The following FOXO3B variants were observed in gnomAD, a reference collection of about 807,000 sequenced individuals.
FOXO3B encodes the protein forkhead box protein O3B.
A neutral mutation model predicts 21.9 loss-of-function variants in FOXO3B; 15 were observed. That is an observed-to-expected ratio of 0.68 (90% confidence interval 0.46 to 1.05). FOXO3B has a LOEUF of 1.05. FOXO3B is among the 50% of genes least tolerant of loss of function. FOXO3B has a pLI of 0.00. For missense variants in FOXO3B, 293 were observed against 435.5 expected (o/e 0.67, Z 2.91); for synonymous variants, 135 against 213.6 (o/e 0.63, Z 3.21).
Position 18,670,857 on chromosome 17 carries a change from T to A in FOXO3B, c.*1452A>T. ...AAGGGTTTTCTCTGTAGGTCTTGTG[T>A]CAGTTTGAGGGTCTGCTTTGCCCAC... is the stretch of plus-strand genomic sequence containing the variant. On this transcript the variant is annotated 3_prime_UTR_variant, in exon 4 of 4. Coordinates refer to ENST00000395675, the MANE Select transcript of FOXO3B (RefSeq NM_001368135.1). The A allele has an allele frequency of 6.3e-7, 1 of 1,579,844 alleles. No homozygotes were observed. Among genetic ancestry groups the A allele is most frequent in the Admixed American group, 1.7e-5 (1 of 57,506 alleles).
chr17:18,672,996 G>C lies in FOXO3B; in HGVS notation c.186C>G (p.Pro62=), dbSNP rs2032408661. The C allele has an allele frequency of 1.4e-6, 2 of 1,473,658 alleles. No individual in the cohort carries two copies. The highest frequency in any genetic ancestry group is 1.5e-5 in the African/African-American group (1 of 67,020). The allele number at this position is 1,473,658 out of a possible 1,614,324, so 91.3% of individuals were successfully genotyped here. A position where few individuals can be genotyped will look rare whatever the true frequency, so the allele number is the denominator to read the frequency against. The change falls in exon 4 of 4, where the codon CCC becomes CCG. Residue 62 remains proline, a synonymous_variant. Transcript: ENST00000395675. This position sits in a 1 kb window ranked among gnomAD's most constrained non-coding sequence, Gnocchi z 4.2. ...CTCGCGCCGGGGCGGGGTGCAGCGG[G>C]GGAGGGACGTGGACGCCGCGAAGGC... ...SRSLRGVHVP[P]PLHPAPAREE...
chr17:18,679,021 G>A (rs1353653761), intron 3 of FOXO3B, among the ~76,000 whole-genome samples: 1 of 151,444 alleles, frequency 6.6e-6, no homozygotes, highest in Non-Finnish European at 1.5e-5. Flanking sequence ...GAAGATGTAA[G>A]CCTAAACTCG....
chr17:18,675,509 C>T (rs113697301), intron 3 of FOXO3B, among the ~76,000 whole-genome samples: 13,546 of 151,540 alleles, frequency 0.089, 798 homozygotes, highest in African/African-American at 0.16. Flanking sequence ...CAGGGAAAGA[C>T]TTTTAAACTG....
chr17:18,674,649 G>GA (rs1597495986), intron 3 of FOXO3B, among the ~76,000 whole-genome samples: 1 of 144,522 alleles, frequency 6.9e-6, no homozygotes, highest in Admixed American at 6.8e-5. Flanking sequence ...AGGGGGGGGG[G>GA]AGATTACAGA....
intron 3 of FOXO3B, among the ~76,000 whole-genome samples, chr17:18,676,821 C>T (rs561299121): frequency 0.014 from 2,138 of 152,126 alleles, 39 homozygotes; most frequent in African/African-American, 0.048. Flanking sequence ...CTGCCTCAGC[C>T]TCCCAAGTAG....
At position 18,672,774 on chromosome 17, in the gene FOXO3B, C is replaced by T. The variant is rs2032398011; in HGVS notation, c.408G>A (p.Thr136=). The T allele has an allele frequency of 6.4e-7, 1 of 1,553,784 alleles. No homozygotes were observed. The highest frequency in any genetic ancestry group is 8.7e-7 in the Non-Finnish European group (1 of 1,150,968). Residue 136 remains threonine (T), a synonymous_variant, in exon 4 of 4, where the codon ACG becomes ACA. Coordinates refer to ENST00000395675, the MANE Select transcript of FOXO3B (RefSeq NM_001368135.1). This position sits in a 1 kb window ranked among gnomAD's most constrained non-coding sequence, Gnocchi z 4.2. ...CCTCGGGGATCATGGAGTCGGCGGC[C>T]GTCTCCCCCGAGGGCTTGGCAGGGC... ...QASPAKPSGE[T]AADSMIPEEE...
intron 3 of FOXO3B, among the ~76,000 whole-genome samples, chr17:18,673,779 A>G (rs567612520): frequency 6.6e-6 from 1 of 152,070 alleles, no homozygotes; most frequent in African/African-American, 2.4e-5. Flanking sequence ...TACAATGTTG[A>G]GAATGAAGTA....
intron 3 of FOXO3B, chr17:18,677,567 C>T: frequency 5.6e-6 from 9 of 1,601,784 alleles, no homozygotes; most frequent in Middle Eastern, 2.0e-4. Context: ...GGGGCGCCGG[C>T]GGGCCCAGCG....
At chr17:18,677,685 C>T in intron 3 of FOXO3B, 4 of 1,604,706 alleles carry the variant, frequency 2.5e-6, no homozygotes. Flanking sequence ...GGCCAAGAAG[C>T]ATGCTGGCGA....
intron 3 of FOXO3B, among the ~76,000 whole-genome samples, chr17:18,674,643 G>A (rs9911174): frequency 7.0e-6 from 1 of 142,722 alleles, no homozygotes. Context: ...AAAAAAAGGG[G>A]GGGGGGAGAT....
In FOXO3B at chr17:18,672,190, G is replaced by A. The variant is rs1450704838; in HGVS notation, c.*119C>T. The A allele has an allele frequency of 6.2e-7, 1 of 1,613,028 alleles. No individual in the cohort carries two copies. Among genetic ancestry groups the A allele is most frequent in the Non-Finnish European group, 8.5e-7 (1 of 1,179,334 alleles). On this transcript the variant is annotated 3_prime_UTR_variant, in exon 4 of 4. Coordinates refer to ENST00000395675, the MANE Select transcript of FOXO3B (RefSeq NM_001368135.1). This position sits in a 1 kb window ranked among gnomAD's most constrained non-coding sequence, Gnocchi z 4.2. ...CATGGAGACAGCCCGCCGCCGGGGG[G>A]CTTTTCCGCTCTTCCCCCCATCAGG...
Position 18,670,826 on chromosome 17 carries a change from T to A in FOXO3B, c.*1483A>T. On this transcript the variant is annotated 3_prime_UTR_variant, in exon 4 of 4. Coordinates refer to ENST00000395675, the MANE Select transcript of FOXO3B (RefSeq NM_001368135.1). ...CACTGTCCACTTGCTGAGAGCAGAT[T>A]TGGCAAAGGGTTTTCTCTGTAGGTC... is the stretch of plus-strand genomic sequence containing the variant. The A allele has an allele frequency of 6.9e-7, 1 of 1,458,120 alleles. No homozygotes were observed. Among genetic ancestry groups the A allele is most frequent in the Non-Finnish European group, 9.4e-7 (1 of 1,065,270 alleles). 90.3% of individuals were successfully genotyped at this position (1,458,120 alleles called of 1,614,324 possible). A position where few individuals can be genotyped will look rare whatever the true frequency, so the allele number is the denominator to read the frequency against.
Position 18,672,184 on chromosome 17 carries a change from C to T in FOXO3B, c.*125G>A, listed in dbSNP as rs1379455333. 11 of 1,613,144 alleles carry T rather than the reference C, an allele frequency of 6.8e-6. No homozygotes were observed. Among genetic ancestry groups the T allele is most frequent in the East Asian group, 4.5e-5 (2 of 44,844 alleles). On this transcript the variant is annotated 3_prime_UTR_variant, in exon 4 of 4. Coordinates refer to ENST00000395675, the MANE Select transcript of FOXO3B (RefSeq NM_001368135.1). The surrounding 1 kb of genome is among the most constrained non-coding windows in gnomAD (Gnocchi z 4.2). Reference sequence around the variant, plus strand: ...ATTGTCCATGGAGACAGCCCGCCGCCGGGGGGCTTTTCCGCTCTTCCCCCC... The same window carrying T: ...ATTGTCCATGGAGACAGCCCGCCGCTGGGGGGCTTTTCCGCTCTTCCCCCC...
In FOXO3B at chr17:18,670,322, T is replaced by C. The variant is rs538856982; in HGVS notation, c.*1987A>G. On this transcript the variant is annotated 3_prime_UTR_variant, in exon 4 of 4. Transcript: ENST00000395675. ...CAAAAGAAGAAAGAAAATCCCCCTT[T>C]AGTTTATGTAATTTGTTAGTTTATG... is the stretch of plus-strand genomic sequence containing the variant. Among the ~76,000 whole-genome samples the C allele has an allele frequency of 1.5e-4, 23 of 152,362 alleles. No homozygotes were observed. In the East Asian group the frequency reaches 4.4e-3, roughly 29 times the overall value.
At chr17:18,680,041 G>A (rs540356204) in intron 3 of FOXO3B, among the ~76,000 whole-genome samples, 41 of 152,106 alleles carry the variant, frequency 2.7e-4, no homozygotes, top group Non-Finnish European at 5.1e-4. Context: ...AGGTTTCACC[G>A]TGTTAGCCAG....
Position 18,672,961 on chromosome 17 carries a change from G to A in FOXO3B, c.221C>T (p.Ala74Val). The change falls in exon 4 of 4, where the codon GCG (alanine) becomes GTG (valine). Residue 74 changes from alanine to valine, a missense_variant. By Grantham distance (64) the Ala-to-Val change is moderately conservative. Around this residue, in one of 2 missense-constraint regions of FOXO3B, gnomAD observed 251 missense variants for 404.0 expected, o/e 0.62. Transcript: ENST00000395675. This position sits in a 1 kb window ranked among gnomAD's most constrained non-coding sequence, Gnocchi z 4.2. ...LHPAPAREES[A>V]RTPAAAGRAA... ...CCGCCCGGCCGCGGCTGGGGTTCTC[G>A]CGCTCTCCTCTCGCGCCGGGGCGGG... The A allele has an allele frequency of 1.3e-6, 2 of 1,512,630 alleles. No homozygotes were observed. Among genetic ancestry groups the A allele is most frequent in the Non-Finnish European group, 8.8e-7 (1 of 1,133,958 alleles). The allele number at this position is 1,512,630 out of a possible 1,614,324, so 93.7% of individuals were successfully genotyped here.
In FOXO3B at chr17:18,672,115, T is replaced by G; in HGVS notation, c.*194A>C. 1 of 1,607,596 alleles carries G rather than the reference T, an allele frequency of 6.2e-7. No homozygotes were observed. Among genetic ancestry groups the G allele is most frequent in the Non-Finnish European group, 8.5e-7 (1 of 1,176,696 alleles). On this transcript the variant is annotated 3_prime_UTR_variant, in exon 4 of 4. Transcript: ENST00000395675. This position sits in a 1 kb window ranked among gnomAD's most constrained non-coding sequence, Gnocchi z 4.2. The stretch of plus-strand genomic sequence containing the variant: ...TTCGGGGGCTGTCTGCAGGGCTGCC[T>G]TCTTCTTGGCTGTGCGGCCACGGCT...
In FOXO3B at chr17:18,671,665, A is replaced by T; in HGVS notation, c.*644T>A. ...GAGCTGGTTGGGGAGCTCAGGCCCG[A>T]GCCCTTGGTGGTATACGGGAAGCTA... On this transcript the variant is annotated 3_prime_UTR_variant, in exon 4 of 4. Coordinates refer to ENST00000395675, the MANE Select transcript of FOXO3B (RefSeq NM_001368135.1). 1 of 1,613,918 alleles carries T rather than the reference A, an allele frequency of 6.2e-7. No individual in the cohort carries two copies. The highest frequency in any genetic ancestry group is 8.5e-7 in the Non-Finnish European group (1 of 1,180,024).
intron 3 of FOXO3B, chr17:18,677,485 A>C (rs2032511855): frequency 7.4e-6 from 12 of 1,613,944 alleles, no homozygotes; most frequent in Non-Finnish European, 1.0e-5. Context: ...CTCAACGAGG[A>C]GGCGGGCCGC....
Sources: gnomAD v4.1 joint callset for allele counts (sites outside exome capture counted in the v4.1 genomes callset) on GRCh38, gnomAD v4.1.1 for gene constraint, gnomAD v4.1.1 regional missense constraint, Gnocchi (gnomAD v3.1) non-coding constraint, MANE v1.5 for transcripts, NCBI Gene and HGNC (gene_info 2026-07-23, HGNC 2026-07-21) for gene names.